ANKRD24: variants seen among roughly 807,000 people sequenced by gnomAD.
ANKRD24 encodes ankyrin repeat domain-containing protein 24.
ANKRD24 carries 109 observed loss-of-function variants against 127.8 expected under a neutral mutation model. The observed-to-expected ratio is 0.85, with a 90% confidence interval of 0.73 to 1.00. The LOEUF is 1.00. Ranked by LOEUF, ANKRD24 falls within the 50% of genes least tolerant of loss-of-function variation. The pLI is 0.00. For synonymous variants in ANKRD24, 743 were observed against 671.1 expected, an observed-to-expected ratio of 1.11 and a Z score of -1.66; for missense variants, 1,648 against 1,570.2, an observed-to-expected ratio of 1.05 and a Z score of -0.84.
At chr19:4,184,322 A>C (rs954921462) in intron 1 of ANKRD24, among the ~76,000 whole-genome samples, 1 of 152,164 alleles carries the variant, frequency 6.6e-6, no homozygotes, top group Non-Finnish European at 1.5e-5. Flanking sequence ...GGGAGGAAGG[A>C]GGTGGGAGAG....
rs745518113 is a variant in ANKRD24, at chr19:4,197,430, A to G, written c.37-2253A>G. Among the ~76,000 whole-genome samples, 11 of 152,178 alleles carry G rather than the reference A, an allele frequency of 7.2e-5. No individual in the cohort carries two copies. The South Asian group carries it at 8.3e-4, about 11-fold the overall frequency. ...GAATGAATGGGTGGTGAACAAATGA[A>G]TGGGTGAGTGAACTAATGAATGGAT... is the stretch of plus-strand genomic sequence containing the variant. On this transcript the variant is annotated intron_variant, in intron 2 of 21. Transcript: ENST00000318934.
chr19:4,191,479 A>G (rs182946744), intron 2 of ANKRD24, among the ~76,000 whole-genome samples: 3 of 150,284 alleles, frequency 2.0e-5, no homozygotes, highest in Admixed American at 2.0e-4. Context: ...TTTTATTTTT[A>G]TTTATTTATT....
chr19:4,207,692 C>T (rs1198373300), intron 9 of ANKRD24, 85 bp downstream of exon 9: 2 of 1,594,524 alleles, frequency 1.3e-6, no homozygotes, highest in Admixed American at 3.4e-5. Context: ...TCTAGCCAGC[C>T]TCCTCTTCCC....
chr19:4,215,315 G>A (rs755570741), intron 15 of ANKRD24, among the ~76,000 whole-genome samples: 4 of 152,098 alleles, frequency 2.6e-5, no homozygotes, highest in Non-Finnish European at 4.4e-5. Context: ...GTGAAACCAC[G>A]TGTCACTAAA....
chr19:4,183,364 G>T, intron 1 of ANKRD24: 2 of 985,620 alleles, frequency 2.0e-6, no homozygotes, highest in Non-Finnish European at 2.4e-6. Flanking sequence ...GTGGCCTGGA[G>T]GACTCATTTA....
intron 19 of ANKRD24, among the ~76,000 whole-genome samples, chr19:4,222,376 G>A (rs575655458): frequency 1.1e-4 from 17 of 152,300 alleles, no homozygotes; most frequent in African/African-American, 1.9e-4. Flanking sequence ...GCAACAGAGC[G>A]AGACTCTGTC....
At chr19:4,201,570 G>C (rs1599421695) in intron 5 of ANKRD24, among the ~76,000 whole-genome samples, 1 of 152,038 alleles carries the variant, frequency 6.6e-6, no homozygotes, top group Admixed American at 6.6e-5. Flanking sequence ...TCTGGGTACA[G>C]GGAATAGCAT....
intron 16 of ANKRD24, 87 bp from the exon 17 acceptor site, chr19:4,216,197 G>C: frequency 6.3e-6 from 9 of 1,427,102 alleles, no homozygotes; most frequent in Non-Finnish European, 8.6e-6. Flanking sequence ...AGCCTGCCCT[G>C]GGAACCCTGA....
In ANKRD24 at chr19:4,198,251, C is replaced by A. The variant is rs985184074; in HGVS notation, c.37-1432C>A. ...CCGGGGCGGCGCCCCTTCCCTCAGC[C>A]CCCAGCCCCCAGCCCCCTACCTGGG... On this transcript the variant is annotated intron_variant, in intron 2 of 21. Coordinates refer to ENST00000318934, the MANE Select transcript of ANKRD24 (RefSeq NM_001393985.1). The surrounding 1 kb of genome is among the most constrained non-coding windows in gnomAD (Gnocchi z 6.1). The A allele has an allele frequency of 1.3e-5, 6 of 471,502 alleles. No individual in the cohort carries two copies. The highest frequency in any genetic ancestry group is 4.3e-5 in the Admixed American group (1 of 23,172). The allele number at this position is 471,502 out of a possible 1,614,324, so 29.2% of individuals were successfully genotyped here. A position where few individuals can be genotyped will look rare whatever the true frequency, so the allele number is the denominator to read the frequency against.
rs1568345830 is a variant in ANKRD24, at chr19:4,219,695, G to T, written c.3108G>T (p.Arg1036Ser). The T allele has an allele frequency of 2.5e-6, 4 of 1,613,766 alleles. No individual in the cohort carries two copies. The highest frequency in any genetic ancestry group is 1.3e-5 in the African/African-American group (1 of 75,052). ...GGGGGCTACGGACCGAGGCGGAAAG[G>T]GCTCGCCAGGCCCAGAGCCGGGCCC... ...QLRGLRTEAE[R>S]ARQAQSRAQE... Residue 1036 changes from arginine to serine, a missense_variant, in exon 19 of 22, where the codon AGG (arginine) becomes AGT (serine). By Grantham distance (110) the Arg-to-Ser change is moderately radical. Transcript: ENST00000318934.
At chr19:4,196,810 A>G (rs922168390) in intron 2 of ANKRD24, among the ~76,000 whole-genome samples, 4 of 152,098 alleles carry the variant, frequency 2.6e-5, no homozygotes, top group Non-Finnish European at 4.4e-5. Context: ...ATCTCCCCCA[A>G]GTGTTCATCT....
chr19:4,216,704 C>T lies in ANKRD24; in HGVS notation c.1544C>T (p.Thr515Ile). 1.3e-6 allele frequency: 2 copies of T among 1,580,698 alleles called. No homozygotes were observed. The highest frequency in any genetic ancestry group is 1.7e-6 in the Non-Finnish European group (2 of 1,163,798). ...CTGCAGGCCCTGAGGCAGCAGGAGA[C>T]ACGAGAGGTCCCCAGAGAAGAGGGG... ...EALQALRQQE[T>I]REVPREEGAA... Residue 515 changes from threonine to isoleucine, a missense_variant, in exon 18 of 22, where the codon ACA (threonine) becomes ATA (isoleucine). Physicochemically the swap from Thr to Ile is moderately conservative, Grantham distance 89. Transcript: ENST00000318934.
At chr19:4,201,477 A>C (rs1310707896) in intron 5 of ANKRD24, among the ~76,000 whole-genome samples, 1 of 152,048 alleles carries the variant, frequency 6.6e-6, no homozygotes. Flanking sequence ...AGCTGAGGCA[A>C]TAGGGCTTGA....
chr19:4,193,217 G>A (rs1202670445), intron 2 of ANKRD24, among the ~76,000 whole-genome samples: 7 of 140,068 alleles, frequency 5.0e-5, no homozygotes, highest in Admixed American at 3.8e-4. Context: ...CAGGAGAATC[G>A]CTTGAATCCG....
intron 5 of ANKRD24, among the ~76,000 whole-genome samples, chr19:4,201,120 G>C (rs1969072245): frequency 6.6e-6 from 1 of 152,112 alleles, no homozygotes; most frequent in Non-Finnish European, 1.5e-5. Flanking sequence ...TTGAGCTCTT[G>C]GAGTAGCTGG....
chr19:4,183,444 T>C, intron 1 of ANKRD24: 1 of 758,978 alleles, frequency 1.3e-6, no homozygotes, highest in Non-Finnish European at 1.6e-6. Flanking sequence ...ATCTATGCCC[T>C]GGTGGCTGCG....
At position 4,199,751 on chromosome 19, in the gene ANKRD24, A is replaced by T; in HGVS notation, c.105A>T (p.Ala35=). 1 of 1,537,764 alleles carries T rather than the reference A, an allele frequency of 6.5e-7. No individual in the cohort carries two copies. The highest frequency in any genetic ancestry group is 1.2e-5 in the South Asian group (1 of 83,766). The change falls in exon 3 of 22, where the codon GCA becomes GCT. Residue 35 remains alanine, a synonymous_variant. Transcript: ENST00000318934. This position sits in a 1 kb window ranked among gnomAD's most constrained non-coding sequence, Gnocchi z 5.2. ...PCGPCPIPKP[A]ARGRRQSQDW... The stretch of plus-strand genomic sequence containing the variant: ...GCCCCTGCCCCATCCCGAAGCCGGC[A>T]GCCAGAGGCAGGCGCCAGGCAAGTG...
chr19:4,201,748 ATGG>A (rs1969105303), intron 5 of ANKRD24, among the ~76,000 whole-genome samples: 1 of 152,078 alleles, frequency 6.6e-6, no homozygotes, highest in African/African-American at 2.4e-5. Context: ...TTAGCCAGAC[ATGG>A]TGGCACTTGC....
intron 1 of ANKRD24, chr19:4,183,400 T>C: frequency 1.0e-6 from 1 of 955,308 alleles, no homozygotes. Flanking sequence ...GTACCTACTT[T>C]GTACTGGGCA....
Sources: allele counts gnomAD v4.1 joint callset (sites outside exome capture counted in the v4.1 genomes callset), GRCh38; gene constraint gnomAD v4.1.1; non-coding constraint Gnocchi (gnomAD v3.1); transcripts MANE v1.5; gene names NCBI Gene and HGNC (gene_info 2026-07-23, HGNC 2026-07-21).